The following CXXC4 variants were observed in gnomAD, a reference collection of about 807,000 sequenced individuals.
CXXC4 encodes CXXC finger protein 4.
A neutral mutation model predicts 20.5 loss-of-function variants in CXXC4; 5 were observed. That is an observed-to-expected ratio of 0.24 (90% confidence interval 0.13 to 0.51). The LOEUF is 0.51. Among genes scored for constraint, CXXC4 ranks in the 20% least tolerant of loss-of-function variants. The pLI is 0.97. For synonymous variants in CXXC4, 250 were observed against 216.4 expected, an observed-to-expected ratio of 1.16 and a Z score of -1.36; for missense variants, 419 against 496.4, an observed-to-expected ratio of 0.84 and a Z score of 1.48.
chr4:104,490,937 G>A lies in CXXC4; in HGVS notation c.866C>T (p.Ser289Leu), dbSNP rs766173397. 3 of 1,609,378 alleles carry A rather than the reference G, an allele frequency of 1.9e-6. No individual in the cohort carries two copies. Among genetic ancestry groups the A allele is most frequent in the African/African-American group, 1.3e-5 (1 of 74,968 alleles). ...DCPQNHSSSS[S>L]SSSGGAGGAN... ...TCCGCCAGCTCCCCCTGAGGAGGAC[G>A]AGGAGGAGGAGGAATGATTCTGCGG... Residue 289 changes from serine (S) to leucine (L), a missense_variant, in exon 2 of 3, where the codon TCG (serine) becomes TTG (leucine). By Grantham distance (145) the Ser-to-Leu change is moderately radical (BLOSUM62 -2). This residue lies in a region of CXXC4 where 388 missense variants were observed against 416.0 expected (regional missense o/e 0.93). Coordinates refer to ENST00000394767, the MANE Select transcript of CXXC4 (RefSeq NM_025212.4).
At chr4:104,483,178 G>A (rs1736597504) in intron 2 of CXXC4, among the ~76,000 whole-genome samples, 1 of 151,426 alleles carries the variant, frequency 6.6e-6, no homozygotes. Context: ...CTCCACTCAA[G>A]CCTCAGTTCT....
Position 104,491,001 on chromosome 4 carries a change from T to C in CXXC4, c.802A>G (p.Thr268Ala). Residue 268 changes from threonine (T) to alanine (A), a missense_variant, in exon 2 of 3, where the codon ACA (threonine) becomes GCA (alanine). By Grantham distance (58) the Thr-to-Ala change is moderately conservative (BLOSUM62 0). Transcript: ENST00000394767. ...HSPAAASAAV[T>A]DSAFQIANLA... The stretch of plus-strand genomic sequence containing the variant: ...TTGGCAATTTGAAACGCACTGTCTG[T>C]GACGGCTGCTGAGGCTGCTGCGGGG... 1.2e-6 allele frequency: 2 copies of C among 1,614,024 alleles called. No homozygotes were observed. Among genetic ancestry groups the C allele is most frequent in the Non-Finnish European group, 8.5e-7 (1 of 1,179,996 alleles).
intron 2 of CXXC4, among the ~76,000 whole-genome samples, chr4:104,482,226 AC>A: frequency 6.6e-6 from 1 of 152,176 alleles, no homozygotes; most frequent in Non-Finnish European, 1.5e-5. Flanking sequence ...ACATATTGTC[AC>A]CTGCAGTTTG....
At chr4:104,481,709 C>A (rs79189033) in intron 2 of CXXC4, among the ~76,000 whole-genome samples, 6 of 151,898 alleles carry the variant, frequency 4.0e-5, no homozygotes, top group Non-Finnish European at 7.4e-5. Context: ...TTGGTACATA[C>A]GTATGTATGT....
At chr4:104,473,596 A>G (rs1736330203) in intron 2 of CXXC4, among the ~76,000 whole-genome samples, 1 of 151,940 alleles carries the variant, frequency 6.6e-6, no homozygotes, top group Non-Finnish European at 1.5e-5. Context: ...CTAAGAATAC[A>G]TTCTCCTGCA....
chr4:104,491,382 C>G lies in CXXC4; in HGVS notation c.421G>C (p.Ala141Pro). Residue 141 changes from alanine to proline, a missense_variant, in exon 2 of 3, where the codon GCC becomes CCC. By Grantham distance (27) the Ala-to-Pro change is conservative. Transcript: ENST00000394767. ...GAGGAGGAGGCGGAGGAGGAGGCGG[C>G]GGCGGAGGAGGATTTCCTGCCGCCC... ...GGGGRKSSSAAASSSASSSSA... is the reference protein window; with the variant it reads ...GGGGRKSSSAPASSSASSSSA... 7.5e-7 allele frequency: 1 copy of G among 1,341,044 alleles called. No individual in the cohort carries two copies. The highest frequency in any genetic ancestry group is 9.6e-7 in the Non-Finnish European group (1 of 1,042,464). The allele number at this position is 1,341,044 out of a possible 1,614,324, so 83.1% of individuals were successfully genotyped here. A position where few individuals can be genotyped will look rare whatever the true frequency, so the allele number is the denominator to read the frequency against.
rs1578310969 is a variant in CXXC4 at position 104,468,785 on chromosome 4, C to T, written c.*3537G>A. The T allele has an allele frequency of 6.6e-6, 1 of 151,692 alleles. No individual in the cohort carries two copies. The highest frequency in any genetic ancestry group is 1.5e-5 in the Non-Finnish European group (1 of 67,920). The allele number at this position is 151,692 out of a possible 1,614,324, so 9.4% of individuals were successfully genotyped here. ...GTGAATCTAACCATGATCAAAGACCCGCTACGGCTTTTTGCTGAACATATT... is the reference window on the plus strand; with the variant it reads ...GTGAATCTAACCATGATCAAAGACCTGCTACGGCTTTTTGCTGAACATATT... On this transcript the variant is annotated 3_prime_UTR_variant, in exon 3 of 3. Coordinates refer to ENST00000394767, the MANE Select transcript of CXXC4 (RefSeq NM_025212.4).
intron 2 of CXXC4, among the ~76,000 whole-genome samples, chr4:104,477,329 ACAT>A (rs1736437842): frequency 6.6e-6 from 1 of 152,138 alleles, no homozygotes; most frequent in Non-Finnish European, 1.5e-5. Flanking sequence ...GAATGCTAAA[ACAT>A]TGTTATATAG....
intron 2 of CXXC4, among the ~76,000 whole-genome samples, chr4:104,487,501 A>G (rs1182257914): frequency 2.0e-5 from 3 of 152,232 alleles, no homozygotes; most frequent in Non-Finnish European, 2.9e-5. Flanking sequence ...TTGTGAATAT[A>G]AAAACTGAAG....
At position 104,480,846 on chromosome 4, in the gene CXXC4, TTCCC is replaced by T. The variant is rs757783389; in HGVS notation, c.1060-8484_1060-8481del. ...CCTTCCTCTCTTCCTTGCCTTTATC[TTCCC>T]TCCCTCCCTCCCTCCCTTCCTTCCT... is the stretch of plus-strand genomic sequence containing the variant. On this transcript the variant is annotated intron_variant, in intron 2 of 2. Coordinates refer to ENST00000394767, the MANE Select transcript of CXXC4 (RefSeq NM_025212.4). Among the ~76,000 whole-genome samples, 378 of 146,954 alleles carry T rather than the reference TTCCC, an allele frequency of 2.6e-3. 2 individuals carry two copies. The highest frequency in any genetic ancestry group is 5.1e-3 in the East Asian group (26 of 5,128).
chr4:104,474,488 A>G (rs1033011226), intron 2 of CXXC4, among the ~76,000 whole-genome samples: 8 of 152,168 alleles, frequency 5.3e-5, no homozygotes, highest in Non-Finnish European at 5.9e-5. Flanking sequence ...AAAACTTAAA[A>G]GTTTATACCA....
chr4:104,491,332 A>G lies in CXXC4; in HGVS notation c.471T>C (p.Gly157=), dbSNP rs775030831. 5.0e-5 allele frequency: 76 copies of G among 1,509,370 alleles called. No homozygotes were observed. Among genetic ancestry groups the G allele is most frequent in the South Asian group, 2.2e-4 (18 of 80,398 alleles). The allele number at this position is 1,509,370 out of a possible 1,614,324, so 93.5% of individuals were successfully genotyped here. The change falls in exon 2 of 3, where the codon GGT becomes GGC. Residue 157 remains glycine (G), a synonymous_variant. Coordinates refer to ENST00000394767, the MANE Select transcript of CXXC4 (RefSeq NM_025212.4). ...SSSSAILPAG[G]GGGGGGGGSR... The stretch of plus-strand genomic sequence containing the variant: ...TGCCGCCGCCGCCGCCGCCGCCGCC[A>G]CCGCCGGCGGGGAGGATCGCCGAGG...
intron 2 of CXXC4, among the ~76,000 whole-genome samples, chr4:104,487,580 T>C (rs540344567): frequency 6.6e-6 from 1 of 152,336 alleles, no homozygotes; most frequent in Admixed American, 6.5e-5. Context: ...TGATCACGTT[T>C]ATTAAAACAT....
rs1736892325 is a variant in CXXC4, at chr4:104,491,878, A to G, written c.-76T>C. On this transcript the variant is annotated 5_prime_UTR_variant, in exon 2 of 3. Coordinates refer to ENST00000394767, the MANE Select transcript of CXXC4 (RefSeq NM_025212.4). ...CCGACACCTGGGTGGAAAAGGGGGAAAGGTGGGGGGGAGGGAAGGGAGTGA... is the reference window on the plus strand; with the variant it reads ...CCGACACCTGGGTGGAAAAGGGGGAGAGGTGGGGGGGAGGGAAGGGAGTGA... 1 of 126,038 alleles carries G rather than the reference A, an allele frequency of 7.9e-6. No individual in the cohort carries two copies. The highest frequency in any genetic ancestry group is 1.1e-5 in the Non-Finnish European group (1 of 95,036). The allele number at this position is 126,038 out of a possible 1,614,324, so 7.8% of individuals were successfully genotyped here. A position where few individuals can be genotyped will look rare whatever the true frequency, so the allele number is the denominator to read the frequency against.
chr4:104,481,243 A>G (rs938140408), intron 2 of CXXC4, among the ~76,000 whole-genome samples: 8 of 152,256 alleles, frequency 5.3e-5, no homozygotes, highest in African/African-American at 1.9e-4. Context: ...AAATATAAAT[A>G]GGGAGGCCGG....
intron 2 of CXXC4, among the ~76,000 whole-genome samples, chr4:104,477,876 T>C (rs1017819268): frequency 2.0e-5 from 3 of 152,138 alleles, no homozygotes; most frequent in Admixed American, 6.6e-5. Context: ...CAGATTCATT[T>C]ATTACATAAC....
At chr4:104,483,858 A>T (rs577589801) in intron 2 of CXXC4, among the ~76,000 whole-genome samples, 1 of 152,132 alleles carries the variant, frequency 6.6e-6, no homozygotes, top group East Asian at 1.9e-4. Context: ...AAGGAGAAAG[A>T]GCACTAAATA....
rs559667631 is a variant in CXXC4 at position 104,491,344 on chromosome 4, G to C, written c.459C>G (p.Leu153=). ...SSSASSSSAI[L]PAGGGGGGGG... is the part of the protein sequence containing the mutation. The stretch of plus-strand genomic sequence containing the variant: ...CGCCGCCGCCGCCACCGCCGGCGGG[G>C]AGGATCGCCGAGGAGGAGGAGGCGG... Residue 153 remains leucine, a synonymous_variant, in exon 2 of 3, where the codon CTC becomes CTG. Transcript: ENST00000394767. The C allele has an allele frequency of 6.5e-7, 1 of 1,542,788 alleles. No homozygotes were observed. The highest frequency in any genetic ancestry group is 2.0e-5 in the Admixed American group (1 of 51,044).
intron 2 of CXXC4, among the ~76,000 whole-genome samples, chr4:104,475,930 C>T (rs563612440): frequency 2.0e-5 from 3 of 152,184 alleles, no homozygotes; most frequent in Admixed American, 6.5e-5. Flanking sequence ...GACAAACAGC[C>T]GTCTTGCTCC....
Sources: allele counts gnomAD v4.1 joint callset (sites outside exome capture counted in the v4.1 genomes callset), GRCh38; gene constraint gnomAD v4.1.1; regional missense constraint gnomAD v4.1.1; transcripts MANE v1.5; gene names NCBI Gene and HGNC (gene_info 2026-07-23, HGNC 2026-07-21).